HDC: variants seen among roughly 807,000 people sequenced by gnomAD.
HDC encodes histidine decarboxylase.
A neutral mutation model predicts 64.4 loss-of-function variants in HDC; 27 were observed. That is an observed-to-expected ratio of 0.42 (90% CI 0.31 to 0.58). The LOEUF is 0.58. Ranked by LOEUF, HDC falls within the 20% of genes least tolerant of loss-of-function variation. The pLI is 0.16. For synonymous variants in HDC, 305 were observed against 314.2 expected, an observed-to-expected ratio of 0.97 and a Z score of 0.31; for missense variants, 711 against 833.9, an observed-to-expected ratio of 0.85 and a Z score of 1.81.
intron 7 of HDC, chr15:50,253,242 G>A (rs1313546289): frequency 2.6e-6 from 1 of 381,600 alleles, no homozygotes; most frequent in African/African-American, 2.1e-5. Context: ...CTTTTCTGAA[G>A]GTAGAATAGA....
At chr15:50,251,841 AAAAGAAAG>A (rs535844039) in intron 9 of HDC, among the ~76,000 whole-genome samples, 4 of 151,644 alleles carry the variant, frequency 2.6e-5, no homozygotes, top group Admixed American at 6.6e-5. Flanking sequence ...CAGAAAAAAA[AAAAGAAAG>A]AAAGAAAGAA....
At position 50,254,258 on chromosome 15, in the gene HDC, C is replaced by G. The variant is rs181713189; in HGVS notation, c.592G>C (p.Glu198Gln). The change falls in exon 6 of 12, where the codon GAA becomes CAA. Residue 198 changes from glutamate (E) to glutamine (Q), a missense_variant. Glu to Gln is a conservative substitution (Grantham distance 29, BLOSUM62 2). Transcript: ENST00000267845. ...YASDQAHSSV[E>Q]KAGLISLVKM... ...ACAAGGGAAATCAAACCAGCCTTTT[C>G]CACAGAGGAGTGAGCCTAGAAGGGC... 4 of 1,614,148 alleles carry G rather than the reference C, an allele frequency of 2.5e-6. No homozygotes were observed. The highest frequency in any genetic ancestry group is 4.5e-5 in the East Asian group (2 of 44,884).
rs777905414 is a variant in HDC, at chr15:50,242,501, C to A, written c.1748G>T (p.Arg583Leu). 6.2e-7 allele frequency: 1 copy of A among 1,614,106 alleles called. No individual in the cohort carries two copies. The highest frequency in any genetic ancestry group is 8.5e-7 in the Non-Finnish European group (1 of 1,180,018). The change falls in exon 12 of 12, where the codon CGC (arginine) becomes CTC (leucine). Residue 583 changes from arginine (R) to leucine (L), a missense_variant. Arg to Leu is a moderately radical substitution (Grantham distance 102). Around this residue, in one of 3 missense-constraint regions of HDC, gnomAD observed 483 missense variants for 540.9 expected, o/e 0.89. Transcript: ENST00000267845. The stretch of plus-strand genomic sequence containing the variant: ...TGGCACACTGTTGCAACTGAGGGAG[C>A]GCACCGTCTTCTTCTTAGTCTGCAC... Reference protein sequence around the residue: ...LSVQTKKKTVRSLSCNSVPVS... With the variant: ...LSVQTKKKTVLSLSCNSVPVS...
chr15:50,258,220 G>A lies in HDC; in HGVS notation c.318+184C>T, dbSNP rs1005547862. Among the ~76,000 whole-genome samples the A allele has an allele frequency of 5.3e-5, 8 of 152,276 alleles. 1 individual carries two copies. The highest frequency in any genetic ancestry group is 6.8e-3 in the Middle Eastern group (2 of 294). ...CACCTACAAAATGGGATCAATACTC[G>A]TGATTCCATAGGGTTAAAGGATGTG... On this transcript the variant is annotated intron_variant, in intron 3 of 11. Coordinates refer to ENST00000267845, the MANE Select transcript of HDC (RefSeq NM_002112.4).
intron 10 of HDC, among the ~76,000 whole-genome samples, chr15:50,247,362 T>C (rs537244676): frequency 2.0e-5 from 3 of 152,134 alleles, no homozygotes; most frequent in Non-Finnish European, 4.4e-5. Context: ...CATAAATATA[T>C]ACGTAATTAT....
intron 4 of HDC, among the ~76,000 whole-genome samples, chr15:50,256,865 T>C (rs112535911): frequency 0.021 from 3,171 of 152,276 alleles, 121 homozygotes; most frequent in African/African-American, 0.074. Context: ...CAAGGATTTA[T>C]AGATGCAAAA....
rs1400267305 is a variant in HDC at position 50,248,596 on chromosome 15, GAACC to G, written c.1042-257_1042-254del. Among the ~76,000 whole-genome samples, 1 of 152,138 alleles carries G rather than the reference GAACC, an allele frequency of 6.6e-6. No homozygotes were observed. Among genetic ancestry groups the G allele is most frequent in the Non-Finnish European group, 1.5e-5 (1 of 68,032 alleles). ...AAGTGGAAGTCAAGTCCATTACCCTGAACCAATGAGAAGGGCACTTTGCTTTCAA... is the reference window on the plus strand; with the variant it reads ...AAGTGGAAGTCAAGTCCATTACCCTGAATGAGAAGGGCACTTTGCTTTCAA... On this transcript the variant is annotated intron_variant, in intron 9 of 11. Transcript: ENST00000267845. This position sits in a 1 kb window ranked among gnomAD's most constrained non-coding sequence, Gnocchi z 4.3.
At chr15:50,252,396 G>T in intron 9 of HDC, 34 bp downstream of exon 9, 4 of 1,586,804 alleles carry the variant, frequency 2.5e-6, no homozygotes, top group Non-Finnish European at 3.5e-6. Flanking sequence ...CTGGCCACCC[G>T]AGCCCACCAG....
chr15:50,255,047 T>C (rs2045612775), intron 4 of HDC, among the ~76,000 whole-genome samples: 1 of 152,190 alleles, frequency 6.6e-6, no homozygotes, highest in Non-Finnish European at 1.5e-5. Flanking sequence ...GATATGGAGT[T>C]TGAGTCCCCA....
intron 2 of HDC, 120 bp from the exon 3 acceptor site, chr15:50,258,637 C>T (rs1056610696): frequency 2.8e-6 from 2 of 708,408 alleles, no homozygotes; most frequent in East Asian, 2.7e-5. Context: ...CACTTTTAAG[C>T]AGAAATAAGT....
At position 50,242,946 on chromosome 15, in the gene HDC, G is replaced by A; in HGVS notation, c.1303C>T (p.Leu435Phe). 6.2e-7 allele frequency: 1 copy of A among 1,613,978 alleles called. No homozygotes were observed. The highest frequency in any genetic ancestry group is 8.5e-7 in the Non-Finnish European group (1 of 1,179,864). Residue 435 changes from leucine (L) to phenylalanine (F), a missense_variant, in exon 12 of 12, where the codon CTC (leucine) becomes TTC (phenylalanine). Around this residue, in one of 3 missense-constraint regions of HDC, gnomAD observed 483 missense variants for 540.9 expected, o/e 0.89. Transcript: ENST00000267845. ...KEIAKAGRLF[L>F]IPATIQDKLI... ...TTGTCCTGGATAGTGGCCGGGATGA[G>A]GAAGAGACGGCCAGCTTTAGCTATT...
intron 11 of HDC, 55 bp downstream of exon 11, chr15:50,243,088 G>A (rs1320136664): frequency 2.5e-6 from 4 of 1,612,672 alleles, no homozygotes; most frequent in Admixed American, 1.7e-5. Flanking sequence ...GTTTCCGAGA[G>A]GCTCTGGAGC....
chr15:50,256,899 A>G (rs117554206), intron 4 of HDC, among the ~76,000 whole-genome samples: 1 of 152,228 alleles, frequency 6.6e-6, no homozygotes, highest in South Asian at 2.1e-4. Flanking sequence ...TGTGTGGTCC[A>G]TGGGAGGCAC....
At position 50,263,461 on chromosome 15, in the gene HDC, T is replaced by C. The variant is rs1466854931; in HGVS notation, c.32-54A>G. On this transcript the variant is annotated intron_variant, in intron 1 of 11. Coordinates refer to ENST00000267845, the MANE Select transcript of HDC (RefSeq NM_002112.4). ...AAATCCCCTGACTGGGCCTGACCGA[T>C]TTGTGCCCATCCCTCTCAGGTCCGG... The C allele has an allele frequency of 1.9e-6, 3 of 1,554,790 alleles. No individual in the cohort carries two copies. The African/African-American group carries it at 4.1e-5, about 21-fold the overall frequency.
chr15:50,263,345 G>A lies in HDC; in HGVS notation c.94C>T (p.Pro32Ser), dbSNP rs771310003. 2 of 1,614,130 alleles carry A rather than the reference G, an allele frequency of 1.2e-6. No homozygotes were observed. Among genetic ancestry groups the A allele is most frequent in the Non-Finnish European group, 1.7e-6 (2 of 1,179,998 alleles). The change falls in exon 2 of 12, where the codon CCA (proline) becomes TCA (serine). Residue 32 changes from proline to serine, a missense_variant. Physicochemically the swap from Pro to Ser is moderately conservative, Grantham distance 74. Transcript: ENST00000267845. ...CGCAGGTAGCCAGGCTGCACGTCTG[G>A]CGTCACACGTCTCTCCCGCACAGTG... ...LSTVRERRVT[P>S]DVQPGYLRAQ... is the part of the protein sequence containing the mutation.
chr15:50,265,714 G>A lies in HDC; in HGVS notation c.-91C>T. On this transcript the variant is annotated 5_prime_UTR_variant, in exon 1 of 12. Coordinates refer to ENST00000267845, the MANE Select transcript of HDC (RefSeq NM_002112.4). ...GAGCAGCCCGGCTTCCCTCTTGCCA[G>A]TCCTGCGCACTCCCTGGCAGCCAGT... is the stretch of plus-strand genomic sequence containing the variant. 1 of 1,190,192 alleles carries A rather than the reference G, an allele frequency of 8.4e-7. No homozygotes were observed. Among genetic ancestry groups the A allele is most frequent in the Non-Finnish European group, 1.3e-6 (1 of 799,158 alleles). The allele number at this position is 1,190,192 out of a possible 1,614,324, so 73.7% of individuals were successfully genotyped here. A position where few individuals can be genotyped will look rare whatever the true frequency, so the allele number is the denominator to read the frequency against.
Position 50,243,280 on chromosome 15 carries a change from C to T in HDC, c.1141-36G>A, listed in dbSNP as rs1289644731. Reference sequence around the variant, plus strand: ...AAGTATAAAGAGAACTGAGATTAATCATCAGACAAGAGACTATGCATAAAC... The same window carrying T: ...AAGTATAAAGAGAACTGAGATTAATTATCAGACAAGAGACTATGCATAAAC... On this transcript the variant is annotated intron_variant, in intron 10 of 11. Coordinates refer to ENST00000267845, the MANE Select transcript of HDC (RefSeq NM_002112.4). The T allele has an allele frequency of 4.5e-6, 6 of 1,340,338 alleles. No homozygotes were observed. In the Admixed American group the frequency reaches 1.0e-4, roughly 22 times the overall value. 83.0% of individuals were successfully genotyped at this position (1,340,338 alleles called of 1,614,324 possible).
chr15:50,253,035 G>C (rs2045579707), intron 7 of HDC: 1 of 543,186 alleles, frequency 1.8e-6, no homozygotes, highest in African/African-American at 1.9e-5. Context: ...CACCCTCTTG[G>C]CCTCAGCCTA....
chr15:50,254,734 TTTTTTC>T, intron 4 of HDC, 70 bp from the exon 5 acceptor site: 8 of 1,073,720 alleles, frequency 7.5e-6, no homozygotes, highest in South Asian at 1.6e-5. Flanking sequence ...GGCTTTCTAG[TTTTTTC>T]TCTCTCTCTC....
Sources: allele counts gnomAD v4.1 joint callset (sites outside exome capture counted in the v4.1 genomes callset), GRCh38; gene constraint gnomAD v4.1.1; regional missense constraint gnomAD v4.1.1; non-coding constraint Gnocchi (gnomAD v3.1); transcripts MANE v1.5; gene names NCBI Gene and HGNC (gene_info 2026-07-23, HGNC 2026-07-21).